The following PCCA variants were observed in gnomAD, a reference collection of about 807,000 sequenced individuals.
PCCA encodes propionyl-CoA carboxylase alpha chain, mitochondrial.
A neutral mutation model predicts 101.3 loss-of-function variants in PCCA; 74 were observed. The ratio of observed to expected loss-of-function variants is 0.73; its 90% CI spans 0.61 to 0.89. The LOEUF (loss-of-function observed/expected upper bound fraction) is 0.89, where lower values mean the gene tolerates loss of function less well. PCCA is among the 40% of genes least tolerant of loss of function. PCCA has a pLI of 0.00. For synonymous variants in PCCA, 294 were observed against 313.6 expected (o/e 0.94, Z 0.66); for missense variants, 891 against 907.0 (o/e 0.98, Z 0.23).
chr13:100,352,327 A>G (rs948415431), intron 18 of PCCA, among the ~76,000 whole-genome samples: 4 of 152,172 alleles, frequency 2.6e-5, no homozygotes, highest in African/African-American at 9.7e-5. Flanking sequence ...AAAAAGTATC[A>G]GACAGACATT....
At chr13:100,168,650 G>A (rs374609754) in intron 6 of PCCA, among the ~76,000 whole-genome samples, 1 of 152,138 alleles carries the variant, frequency 6.6e-6, no homozygotes, top group East Asian at 1.9e-4. Context: ...ATGTGACAAC[G>A]TAGCAGATGC....
chr13:100,444,756 C>T (rs1458830655), intron 20 of PCCA, among the ~76,000 whole-genome samples: 4 of 151,952 alleles, frequency 2.6e-5, no homozygotes, highest in Non-Finnish European at 5.9e-5. Context: ...GAACTTCTGA[C>T]CTCAAGCAAT....
chr13:100,424,063 A>G (rs959779866), intron 19 of PCCA, among the ~76,000 whole-genome samples: 1 of 152,200 alleles, frequency 6.6e-6, no homozygotes, highest in African/African-American at 2.4e-5. Context: ...GCGGGGAGGA[A>G]AAGATTTGGA....
chr13:100,505,721 A>C (rs1261641514), intron 21 of PCCA, among the ~76,000 whole-genome samples: 2 of 152,094 alleles, frequency 1.3e-5, no homozygotes, highest in African/African-American at 4.8e-5. Flanking sequence ...TCAAACACTA[A>C]GCAGGCATGG....
At chr13:100,182,659 A>G (rs913236241) in intron 6 of PCCA, among the ~76,000 whole-genome samples, 3 of 152,128 alleles carry the variant, frequency 2.0e-5, no homozygotes, top group Admixed American at 2.0e-4. Context: ...TGTTTCTGCA[A>G]GCCTCTCTGC....
Position 100,405,039 on chromosome 13 carries a change from A to G in PCCA, c.1747-20594A>G, listed in dbSNP as rs149851338. ...GGGAGTTGTGTGGACTCCTTACCAT[A>G]AGTGGAATACTAAGGTGAAACTGTG... On this transcript the variant is annotated intron_variant, in intron 19 of 23. Transcript: ENST00000376285. 1.5e-4 allele frequency among the ~76,000 whole-genome samples: 23 copies of G among 152,258 alleles called. No individual in the cohort carries two copies. In the East Asian group the frequency reaches 3.9e-3, roughly 26 times the overall value.
intron 10 of PCCA, among the ~76,000 whole-genome samples, chr13:100,264,275 GTATA>G (rs1196255691): frequency 6.7e-6 from 1 of 150,142 alleles, no homozygotes; most frequent in Non-Finnish European, 1.5e-5. Context: ...TCATATATAT[GTATA>G]TATATATACA....
chr13:100,234,342 C>T (rs909564342), intron 7 of PCCA, among the ~76,000 whole-genome samples: 4 of 151,988 alleles, frequency 2.6e-5, no homozygotes, highest in African/African-American at 4.8e-5. Flanking sequence ...GTAGGGTCAG[C>T]GAAAACAGCA....
chr13:100,431,245 C>A (rs2079531381), intron 20 of PCCA, among the ~76,000 whole-genome samples: 1 of 152,156 alleles, frequency 6.6e-6, no homozygotes, highest in African/African-American at 2.4e-5. Flanking sequence ...GTTTTCTCTT[C>A]TGTAAAATAT....
At chr13:100,443,236 AAAG>A (rs1167970888) in intron 20 of PCCA, among the ~76,000 whole-genome samples, 1 of 152,142 alleles carries the variant, frequency 6.6e-6, no homozygotes, top group African/African-American at 2.4e-5. Context: ...GGAAAAAATT[AAAG>A]AAGAATGTTT....
intron 21 of PCCA, among the ~76,000 whole-genome samples, chr13:100,505,602 T>C (rs2086004912): frequency 6.6e-6 from 1 of 152,206 alleles, no homozygotes; most frequent in Non-Finnish European, 1.5e-5. Flanking sequence ...CAGTGACTCA[T>C]GCCTGTAATC....
intron 20 of PCCA, among the ~76,000 whole-genome samples, chr13:100,447,722 A>T (rs377109131): frequency 2.6e-5 from 4 of 151,778 alleles, no homozygotes; most frequent in African/African-American, 9.7e-5. Flanking sequence ...TCCCATACTG[A>T]TTTTTTTTCT....
chr13:100,454,919 T>C (rs1339282894), intron 21 of PCCA, among the ~76,000 whole-genome samples: 1 of 152,098 alleles, frequency 6.6e-6, no homozygotes, highest in Non-Finnish European at 1.5e-5. Context: ...ATTATATATA[T>C]GAAATATTAT....
intron 12 of PCCA, among the ~76,000 whole-genome samples, chr13:100,279,130 A>G (rs2063888313): frequency 6.6e-6 from 1 of 152,194 alleles, no homozygotes; most frequent in Non-Finnish European, 1.5e-5. Flanking sequence ...TCTCTGACTG[A>G]TTAGAGCTCT....
At chr13:100,310,517 T>C (rs749918083) in intron 16 of PCCA, among the ~76,000 whole-genome samples, 1 of 152,218 alleles carries the variant, frequency 6.6e-6, no homozygotes, top group Non-Finnish European at 1.5e-5. Context: ...TCTGTTAAAC[T>C]GTGATATAAT....
intron 19 of PCCA, among the ~76,000 whole-genome samples, chr13:100,389,642 A>C (rs535201436): frequency 1.3e-5 from 2 of 152,260 alleles, no homozygotes; most frequent in South Asian, 4.1e-4. Flanking sequence ...AGAAAAGAAA[A>C]ACACACACAC....
At chr13:100,097,799 G>T (rs1393272276) in intron 1 of PCCA, among the ~76,000 whole-genome samples, 1 of 152,142 alleles carries the variant, frequency 6.6e-6, no homozygotes, top group African/African-American at 2.4e-5. Context: ...ATCACTTGAG[G>T]CCAGCAGTTC....
intron 4 of PCCA, among the ~76,000 whole-genome samples, chr13:100,139,089 G>A (rs1180641729): frequency 2.0e-5 from 3 of 151,892 alleles, no homozygotes; most frequent in Non-Finnish European, 2.9e-5. Context: ...GGTCTTTGTG[G>A]CTTCTGATGT....
At chr13:100,404,923 C>T (rs1407354657) in intron 19 of PCCA, among the ~76,000 whole-genome samples, 1 of 152,160 alleles carries the variant, frequency 6.6e-6, no homozygotes, top group Admixed American at 6.5e-5. Flanking sequence ...TTGGTGTTGT[C>T]ATCTGCCTCT....
Sources: gnomAD v4.1 joint callset for allele counts (sites outside exome capture counted in the v4.1 genomes callset) on GRCh38, gnomAD v4.1.1 for gene constraint, MANE v1.5 for transcripts, NCBI Gene and HGNC (gene_info 2026-07-23, HGNC 2026-07-21) for gene names.